Variants in SCYL2 observed in about 807,000 individuals in gnomAD.
The protein encoded by SCYL2 is SCY1-like protein 2.
SCYL2 carries 36 observed loss-of-function variants against 100.4 expected under a neutral mutation model. The ratio of observed to expected loss-of-function variants is 0.36; its 90% CI spans 0.27 to 0.47. SCYL2 has a LOEUF of 0.47. Among genes scored for constraint, SCYL2 ranks in the 20% least tolerant of loss-of-function variants. The probability of loss-of-function intolerance (pLI) is 1.00; values close to 1 mark genes in which losing one functional copy is unlikely to be tolerated. For missense variants in SCYL2, 902 were observed against 1,083.9 expected, an observed-to-expected ratio of 0.83 and a Z score of 2.36; for synonymous variants, 330 against 359.2, an observed-to-expected ratio of 0.92 and a Z score of 0.92.
Position 100,339,987 on chromosome 12 carries a change from A to G in SCYL2, c.*815A>G, listed in dbSNP as rs888070400. ...TGTGACTTCCCTGACTACTACCTTC[A>G]TATTTCATTTCAAATTCAAACTTCT... On this transcript the variant is annotated 3_prime_UTR_variant, in exon 18 of 18. Transcript: ENST00000360820. 2 of 152,602 alleles carry G rather than the reference A, an allele frequency of 1.3e-5. No individual in the cohort carries two copies. The highest frequency in any genetic ancestry group is 4.8e-5 in the African/African-American group (2 of 41,450). 9.5% of individuals were successfully genotyped at this position (152,602 alleles called of 1,614,324 possible). A position where few individuals can be genotyped will look rare whatever the true frequency, so the allele number is the denominator to read the frequency against.
At chr12:100,270,253 C>T (rs1006786752) in intron 1 of SCYL2, among the ~76,000 whole-genome samples, 1 of 152,124 alleles carries the variant, frequency 6.6e-6, no homozygotes, top group African/African-American at 2.4e-5. Flanking sequence ...TCCCAAAGTG[C>T]TGGGATTAAA....
rs200554353 is a variant in SCYL2 at position 100,312,568 on chromosome 12, T to C, written c.767T>C (p.Met256Thr). The C allele has an allele frequency of 3.7e-4, 595 of 1,612,906 alleles. 9 individuals carry two copies. In the East Asian group the frequency reaches 0.013, roughly 35 times the overall value. Residue 256 changes from methionine (M) to threonine (T), a missense_variant, in exon 6 of 18, where the codon ATG becomes ACG. Met to Thr is a moderately conservative substitution (Grantham distance 81). Coordinates refer to ENST00000360820, the MANE Select transcript of SCYL2 (RefSeq NM_017988.6). ...ASDMYSLGTV[M>T]YAVFNKGKPI... ...GATATGTATTCTTTAGGAACTGTTA[T>C]GTATGCTGTATTTAATAAAGGGAAA...
intron 2 of SCYL2, among the ~76,000 whole-genome samples, chr12:100,284,538 T>C (rs2096302345): frequency 6.6e-6 from 1 of 152,148 alleles, no homozygotes; most frequent in South Asian, 2.1e-4. Flanking sequence ...CACCTTGACA[T>C]TGAAGCCTCT....
rs1163687686 is a variant in SCYL2, at chr12:100,340,392, A to T, written c.*1220A>T. The T allele has an allele frequency of 6.6e-6, 1 of 152,156 alleles. No homozygotes were observed. Among genetic ancestry groups the T allele is most frequent in the African/African-American group, 2.4e-5 (1 of 41,458 alleles). 9.4% of individuals were successfully genotyped at this position (152,156 alleles called of 1,614,324 possible). Reference sequence around the variant, plus strand: ...GCTGATTATTCAACCACAGAGCCTTATGCTATAAATGTCATTTGTATTTTA... The same window carrying T: ...GCTGATTATTCAACCACAGAGCCTTTTGCTATAAATGTCATTTGTATTTTA... On this transcript the variant is annotated 3_prime_UTR_variant, in exon 18 of 18. Transcript: ENST00000360820.
chr12:100,318,262 TG>T (rs1298091553), intron 10 of SCYL2, among the ~76,000 whole-genome samples: 3 of 152,148 alleles, frequency 2.0e-5, no homozygotes, highest in Non-Finnish European at 4.4e-5. Flanking sequence ...TTCATCTTTC[TG>T]CTTCTTTCTA....
intron 5 of SCYL2, among the ~76,000 whole-genome samples, chr12:100,311,669 G>C (rs574530180): frequency 1.1e-4 from 17 of 152,278 alleles, no homozygotes; most frequent in African/African-American, 3.1e-4. Context: ...GAGAATAAAA[G>C]AACTGCCTAA....
chr12:100,294,941 C>T (rs7968449), intron 3 of SCYL2, among the ~76,000 whole-genome samples: 17,878 of 149,340 alleles, frequency 0.12, 1,251 homozygotes, highest in Non-Finnish European at 0.17. Context: ...ACTTCTCAGA[C>T]GGGGCGGTTG....
At position 100,298,087 on chromosome 12, in the gene SCYL2, G is replaced by T. The variant is rs1362072381; in HGVS notation, c.392G>T (p.Gly131Val). The T allele has an allele frequency of 6.2e-7, 1 of 1,611,100 alleles. No individual in the cohort carries two copies. ...PVFASLANVL[G>V]NWENLPSPIS... ...TTTGCCAGTTTAGCCAATGTTCTTG[G>T]TAACTGGGAAAATCTACCTTCCCCT... The change falls in exon 4 of 18, where the codon GGT becomes GTT. Residue 131 changes from glycine (G) to valine (V), a missense_variant. Physicochemically the swap from Gly to Val is moderately radical, Grantham distance 109 (BLOSUM62 -3). Transcript: ENST00000360820.
At chr12:100,300,229 T>C (rs1361927030) in intron 4 of SCYL2, among the ~76,000 whole-genome samples, 1 of 152,238 alleles carries the variant, frequency 6.6e-6, no homozygotes, top group Non-Finnish European at 1.5e-5. Flanking sequence ...GACTTACGTG[T>C]GGACACAGTA....
chr12:100,282,746 G>A (rs1243596876), intron 1 of SCYL2, among the ~76,000 whole-genome samples, 197 bp from the exon 2 acceptor site: 1 of 152,162 alleles, frequency 6.6e-6, no homozygotes. Flanking sequence ...GTTGAAACGA[G>A]CAGTTTGATT....
intron 2 of SCYL2, among the ~76,000 whole-genome samples, chr12:100,285,751 A>G (rs1477518675): frequency 2.6e-5 from 4 of 152,138 alleles, no homozygotes; most frequent in Admixed American, 6.5e-5. Flanking sequence ...ACACAGTTTC[A>G]TGTTTTCAGG....
At chr12:100,297,569 C>T (rs1187342616) in intron 3 of SCYL2, among the ~76,000 whole-genome samples, 1 of 152,216 alleles carries the variant, frequency 6.6e-6, no homozygotes, top group East Asian at 1.9e-4. Context: ...TGCCTTGTCT[C>T]TCTTCCTGAC....
At chr12:100,301,678 C>G (rs1200118693) in intron 4 of SCYL2, among the ~76,000 whole-genome samples, 1 of 152,228 alleles carries the variant, frequency 6.6e-6, no homozygotes. Context: ...TGTTGATTTT[C>G]TGTCTGGAAG....
intron 13 of SCYL2, among the ~76,000 whole-genome samples, chr12:100,332,736 A>G (rs1168716970): frequency 6.8e-6 from 1 of 146,370 alleles, no homozygotes; most frequent in African/African-American, 2.5e-5. Context: ...TTTTTTTGAG[A>G]CAGGGTCTCA....
chr12:100,339,214 C>A lies in SCYL2; in HGVS notation c.*42C>A. On this transcript the variant is annotated 3_prime_UTR_variant, in exon 18 of 18. Transcript: ENST00000360820. ...TTTGAAGGATTATTTCAGTTTCAAT[C>A]ATGGGTGAGCTGATTTACATCTTTA... The A allele has an allele frequency of 6.4e-7, 1 of 1,557,284 alleles. No homozygotes were observed. The highest frequency in any genetic ancestry group is 8.7e-7 in the Non-Finnish European group (1 of 1,148,842).
At position 100,267,348 on chromosome 12, in the gene SCYL2, G is replaced by C. The variant is rs1205069214; in HGVS notation, c.-473G>C. The stretch of plus-strand genomic sequence containing the variant: ...AACAGCCAGGAGGCGTTTATTAGGG[G>C]GGCGGGGGGAAAGAGCCCCAGCACC... On this transcript the variant is annotated 5_prime_UTR_variant, in exon 1 of 18. Transcript: ENST00000360820. 2.9e-6 allele frequency: 1 copy of C among 346,638 alleles called. No individual in the cohort carries two copies. The highest frequency in any genetic ancestry group is 2.1e-5 in the African/African-American group (1 of 47,276). The allele number at this position is 346,638 out of a possible 1,614,324, so 21.5% of individuals were successfully genotyped here. A position where few individuals can be genotyped will look rare whatever the true frequency, so the allele number is the denominator to read the frequency against.
intron 2 of SCYL2, among the ~76,000 whole-genome samples, chr12:100,285,710 T>C (rs1401528888): frequency 1.3e-5 from 2 of 152,224 alleles, no homozygotes; most frequent in Admixed American, 1.3e-4. Flanking sequence ...TATATTTCTG[T>C]TAATAGCTTT....
At chr12:100,297,479 C>G (rs1156551748) in intron 3 of SCYL2, among the ~76,000 whole-genome samples, 1 of 152,152 alleles carries the variant, frequency 6.6e-6, no homozygotes, top group Non-Finnish European at 1.5e-5. Context: ...AATTTAATAA[C>G]TGTGACACCT....
intron 4 of SCYL2, among the ~76,000 whole-genome samples, chr12:100,302,127 A>T (rs1192424865): frequency 1.3e-5 from 2 of 152,116 alleles, no homozygotes; most frequent in African/African-American, 4.8e-5. Flanking sequence ...CTGTTACCTA[A>T]ATGCAAGACA....
Sources: allele counts gnomAD v4.1 joint callset (sites outside exome capture counted in the v4.1 genomes callset), GRCh38; gene constraint gnomAD v4.1.1; transcripts MANE v1.5; gene names NCBI Gene and HGNC (gene_info 2026-07-23, HGNC 2026-07-21).